SMAP2: variants seen among roughly 807,000 people sequenced by gnomAD.
The protein encoded by SMAP2 is small ArfGAP2, also known as stromal membrane-associated protein 2.
In SMAP2, 25 loss-of-function variants were observed where a neutral mutation model predicts 56.4. The ratio of observed to expected loss-of-function variants is 0.44; its 90% CI spans 0.32 to 0.62. The LOEUF (loss-of-function observed/expected upper bound fraction) is 0.62. SMAP2 is among the 20% of genes least tolerant of loss of function. The pLI is 0.04. For synonymous variants in SMAP2, 157 were observed against 181.7 expected, an observed-to-expected ratio of 0.86 and a Z score of 1.09; for missense variants, 388 against 545.6, an observed-to-expected ratio of 0.71 and a Z score of 2.88.
intron 1 of SMAP2, among the ~76,000 whole-genome samples, chr1:40,384,212 T>A (rs1185464434): frequency 2.6e-5 from 4 of 152,142 alleles, no homozygotes; most frequent in Admixed American, 2.6e-4. Flanking sequence ...CTCAGCTCAG[T>A]GTTTTCTTTA....
chr1:40,390,381 A>C (rs1207002606), intron 1 of SMAP2, among the ~76,000 whole-genome samples: 1 of 152,222 alleles, frequency 6.6e-6, no homozygotes, highest in African/African-American at 2.4e-5. Context: ...TCACATGTCC[A>C]TGGTCTTGCA....
At chr1:40,396,915 A>T in intron 1 of SMAP2, 4 of 919,344 alleles carry the variant, frequency 4.4e-6, no homozygotes, top group Non-Finnish European at 5.2e-6. Flanking sequence ...ATTTGTTCTT[A>T]AAACAAATAC....
intron 1 of SMAP2, among the ~76,000 whole-genome samples, chr1:40,353,594 C>A (rs938198485): frequency 6.6e-6 from 1 of 151,818 alleles, no homozygotes; most frequent in Admixed American, 6.6e-5. Flanking sequence ...GGTCTCGAGT[C>A]CCTAATCTCA....
chr1:40,349,222 T>G (rs1222844326), intron 1 of SMAP2, among the ~76,000 whole-genome samples: 3 of 152,214 alleles, frequency 2.0e-5, no homozygotes, highest in African/African-American at 7.2e-5. Flanking sequence ...TGTGAAGTTT[T>G]GTAACGTTAA....
intron 1 of SMAP2, among the ~76,000 whole-genome samples, chr1:40,397,241 G>T (rs1644780869): frequency 6.6e-6 from 1 of 152,184 alleles, no homozygotes; most frequent in East Asian, 1.9e-4. Context: ...GACTGTAGTA[G>T]TAGAAAGAAC....
intron 1 of SMAP2, among the ~76,000 whole-genome samples, chr1:40,392,219 A>G (rs1021553275): frequency 2.6e-5 from 4 of 152,152 alleles, no homozygotes; most frequent in African/African-American, 9.7e-5. Flanking sequence ...AGATTTTCTC[A>G]TCTGTTTTAA....
At chr1:40,350,723 G>T (rs1379673465) in intron 1 of SMAP2, among the ~76,000 whole-genome samples, 1 of 152,100 alleles carries the variant, frequency 6.6e-6, no homozygotes, top group Non-Finnish European at 1.5e-5. Context: ...GAAGATTTCA[G>T]GTATGTGGCA....
intron 1 of SMAP2, chr1:40,393,612 C>T: frequency 9.8e-7 from 1 of 1,020,220 alleles, no homozygotes; most frequent in Non-Finnish European, 1.4e-6. Flanking sequence ...GTGGCTCAAT[C>T]TTGGCTCACT....
At chr1:40,379,865 G>A (rs909477981) in intron 1 of SMAP2, among the ~76,000 whole-genome samples, 13 of 152,250 alleles carry the variant, frequency 8.5e-5, no homozygotes, top group African/African-American at 1.9e-4. Flanking sequence ...CTTAGAAAGT[G>A]TCCTAGGCCC....
At chr1:40,403,783 G>GA in intron 1 of SMAP2, 4 of 422,516 alleles carry the variant, frequency 9.5e-6, no homozygotes, top group Non-Finnish European at 1.3e-5. Context: ...GGTAATCACT[G>GA]AAGGAGCTGT....
intron 9 of SMAP2, 130 bp downstream of exon 9, chr1:40,417,226 TG>T: frequency 3.1e-6 from 2 of 645,612 alleles, no homozygotes; most frequent in Non-Finnish European, 5.0e-6. Flanking sequence ...TTGTTAGGTT[TG>T]CTTTTTTTTT....
rs1044818840 is a variant in SMAP2 at position 40,403,565 on chromosome 1, A to G, written c.104-3171A>G. 5.0e-6 allele frequency: 3 copies of G among 603,484 alleles called. No homozygotes were observed. In the Admixed American group the frequency reaches 1.9e-4, roughly 38 times the overall value. 37.4% of individuals were successfully genotyped at this position (603,484 alleles called of 1,614,324 possible). ...TGCATAGAGTGTTGGTATATATTAC[A>G]TATATGAATGAGTTAACTGGCCCTT... On this transcript the variant is annotated intron_variant, in intron 1 of 9. Transcript: ENST00000372718.
intron 1 of SMAP2, among the ~76,000 whole-genome samples, chr1:40,389,656 C>A (rs1644696160): frequency 6.6e-6 from 1 of 152,166 alleles, no homozygotes; most frequent in Non-Finnish European, 1.5e-5. Flanking sequence ...GAATCCTCTG[C>A]CCTCTCAGTA....
At chr1:40,366,352 C>T (rs1213675773) in intron 2 of SMAP2, among the ~76,000 whole-genome samples, 204 of 135,280 alleles carry the variant, frequency 1.5e-3, no homozygotes, top group Non-Finnish European at 2.5e-3. Context: ...ATACAGAGAA[C>T]GCCACAAAGA....
chr1:40,412,907 C>A, intron 4 of SMAP2, 109 bp from the exon 5 acceptor site: 2 of 777,826 alleles, frequency 2.6e-6, no homozygotes, highest in Non-Finnish European at 4.1e-6. Flanking sequence ...ACACTTACGT[C>A]AGAATCAATA....
intron 1 of SMAP2, among the ~76,000 whole-genome samples, chr1:40,401,657 G>C (rs1379783392): frequency 6.6e-6 from 1 of 152,178 alleles, no homozygotes; most frequent in African/African-American, 2.4e-5. Flanking sequence ...GGTGGTGGGG[G>C]AAGTTTCAGC....
chr1:40,353,370 G>A (rs1323416516), intron 1 of SMAP2, among the ~76,000 whole-genome samples: 1 of 151,988 alleles, frequency 6.6e-6, no homozygotes, highest in Non-Finnish European at 1.5e-5. Flanking sequence ...CACCCAGAGG[G>A]CTTCTTTATT....
intron 1 of SMAP2, among the ~76,000 whole-genome samples, chr1:40,388,384 T>C (rs1327748586): frequency 1.3e-5 from 2 of 152,226 alleles, no homozygotes; most frequent in Admixed American, 1.3e-4. Context: ...GTCGGCACTC[T>C]GTATCTAGCT....
chr1:40,394,359 A>T (rs1158551861), intron 1 of SMAP2, among the ~76,000 whole-genome samples: 1 of 152,158 alleles, frequency 6.6e-6, no homozygotes, highest in African/African-American at 2.4e-5. Flanking sequence ...ACGGGGATCC[A>T]CTTTTGCTCT....
Sources: gnomAD v4.1 joint callset for allele counts (sites outside exome capture counted in the v4.1 genomes callset) on GRCh38, gnomAD v4.1.1 for gene constraint, MANE v1.5 for transcripts, NCBI Gene and HGNC (gene_info 2026-07-23, HGNC 2026-07-21) for gene names.